The following UBXN7 variants were observed in gnomAD, a reference collection of about 807,000 sequenced individuals.
The protein encoded by UBXN7 is UBX domain-containing protein 7.
UBXN7 carries 9 observed loss-of-function variants against 58.0 expected under a neutral mutation model. The observed-to-expected ratio is 0.16, with a 90% confidence interval of 0.09 to 0.27. UBXN7 has a LOEUF of 0.27. Ranked by LOEUF, UBXN7 falls within the 10% of genes least tolerant of loss-of-function variation. The pLI, the probability that UBXN7 is intolerant of heterozygous loss-of-function variation, is 1.00. For missense variants in UBXN7, 328 were observed against 599.6 expected (o/e 0.55, Z 4.73); for synonymous variants, 208 against 205.0 (o/e 1.01, Z -0.12).
intron 8 of UBXN7, 84 bp from the exon 9 acceptor site, chr3:196,362,771 T>C: frequency 6.8e-7 from 1 of 1,478,304 alleles, no homozygotes; most frequent in Non-Finnish European, 9.0e-7. Flanking sequence ...TATAATAGCT[T>C]GCCATTCATT....
intron 1 of UBXN7, chr3:196,431,806 G>A: frequency 2.4e-6 from 1 of 423,294 alleles, no homozygotes; most frequent in Non-Finnish European, 4.8e-6. Context: ...GAAGGCGGGA[G>A]GGCCCGAACC....
intron 3 of UBXN7, among the ~76,000 whole-genome samples, chr3:196,395,532 C>T (rs527260295): frequency 3.9e-5 from 6 of 151,942 alleles, no homozygotes; most frequent in Non-Finnish European, 7.4e-5. Context: ...CAGACTCCAT[C>T]CTCCTAGGCT....
chr3:196,414,227 C>T (rs991877324), intron 1 of UBXN7, among the ~76,000 whole-genome samples: 17 of 152,108 alleles, frequency 1.1e-4, no homozygotes, highest in African/African-American at 3.1e-4. Flanking sequence ...TCAGGTGATC[C>T]GCCTGCCTTG....
chr3:196,370,685 C>T (rs1202604479), intron 6 of UBXN7, among the ~76,000 whole-genome samples: 33 of 151,318 alleles, frequency 2.2e-4, no homozygotes, highest in Admixed American at 2.1e-3. Flanking sequence ...AATTAAGCTC[C>T]TTCATAAGTT....
At chr3:196,385,728 G>T (rs968450229) in intron 5 of UBXN7, among the ~76,000 whole-genome samples, 12 of 151,258 alleles carry the variant, frequency 7.9e-5, no homozygotes, top group Non-Finnish European at 4.4e-5. Flanking sequence ...CCCTACGCCC[G>T]GCAGCCGCCC....
chr3:196,428,741 A>T (rs1024080487), intron 1 of UBXN7, among the ~76,000 whole-genome samples: 2 of 151,856 alleles, frequency 1.3e-5, no homozygotes, highest in African/African-American at 2.4e-5. Flanking sequence ...AAAAATAAAG[A>T]AAGTTACCCT....
rs1729646251 is a variant in UBXN7 at position 196,393,475 on chromosome 3, T to C, written c.355+79A>G. On this transcript the variant is annotated intron_variant, in intron 4 of 10. Coordinates refer to ENST00000296328, the MANE Select transcript of UBXN7 (RefSeq NM_015562.2). ...AAAGAAGGTGAAAACTTAAAAGTAA[T>C]TGGGCCTAATAGTAATCATCTTTGT... The C allele has an allele frequency of 3.0e-6, 4 of 1,332,314 alleles. No homozygotes were observed. In the East Asian group the frequency reaches 9.5e-5, roughly 32 times the overall value. 82.5% of individuals were successfully genotyped at this position (1,332,314 alleles called of 1,614,324 possible).
Position 196,392,240 on chromosome 3 carries a change from G to A in UBXN7, c.356-315C>T, listed in dbSNP as rs78256600. ...GGAGAGGCTGAGTGCGGTGGCTCAT[G>A]TCTATAATTCTAGAACTTTGGATGG... On this transcript the variant is annotated intron_variant, in intron 4 of 10. Coordinates refer to ENST00000296328, the MANE Select transcript of UBXN7 (RefSeq NM_015562.2). 8.0e-3 allele frequency among the ~76,000 whole-genome samples: 1,219 copies of A among 152,144 alleles called. 12 individuals are homozygous for A. The highest frequency in any genetic ancestry group is 0.027 in the African/African-American group (1,102 of 41,498).
intron 8 of UBXN7, 59 bp from the exon 9 acceptor site, chr3:196,362,746 A>G: frequency 6.5e-7 from 1 of 1,528,968 alleles, no homozygotes; most frequent in Non-Finnish European, 8.8e-7. Flanking sequence ...AAAACAAGTC[A>G]AACGGCATAA....
intron 5 of UBXN7, among the ~76,000 whole-genome samples, chr3:196,384,009 G>C (rs565746672): frequency 6.6e-5 from 10 of 152,170 alleles, no homozygotes; most frequent in African/African-American, 2.4e-4. Flanking sequence ...ATGAATCCAA[G>C]AGCTGGTTTT....
intron 3 of UBXN7, among the ~76,000 whole-genome samples, chr3:196,401,837 G>C (rs1469535402): frequency 6.8e-6 from 1 of 146,500 alleles, no homozygotes; most frequent in Non-Finnish European, 1.5e-5. Flanking sequence ...GAAGAGAAGA[G>C]AAGAGAAGAG....
At position 196,369,560 on chromosome 3, in the gene UBXN7, C is replaced by T. The variant is rs1350125269; in HGVS notation, c.616-49G>A. 8.8e-6 allele frequency: 12 copies of T among 1,362,454 alleles called. No homozygotes were observed. The Admixed American group carries it at 1.5e-4, about 17-fold the overall frequency. 84.4% of individuals were successfully genotyped at this position (1,362,454 alleles called of 1,614,324 possible). A position where few individuals can be genotyped will look rare whatever the true frequency, so the allele number is the denominator to read the frequency against. On this transcript the variant is annotated intron_variant, in intron 6 of 10. Coordinates refer to ENST00000296328, the MANE Select transcript of UBXN7 (RefSeq NM_015562.2). ...AAAAAGTCAGCCTCTAAGAAAAGAA[C>T]CAACTATAACCTTCTTATACACCAA...
intron 6 of UBXN7, 50 bp from the exon 7 acceptor site, chr3:196,369,561 C>A: frequency 2.2e-6 from 3 of 1,359,878 alleles, no homozygotes; most frequent in Non-Finnish European, 3.1e-6. Flanking sequence ...AGAAAAGAAC[C>A]AACTATAACC....
intron 6 of UBXN7, among the ~76,000 whole-genome samples, chr3:196,370,689 A>C (rs1340780578): frequency 3.3e-5 from 5 of 151,864 alleles, no homozygotes; most frequent in South Asian, 2.1e-4. Context: ...AAGCTCCTTC[A>C]TAAGTTTTTA....
intron 10 of UBXN7, among the ~76,000 whole-genome samples, chr3:196,357,800 T>A (rs1320922859): frequency 6.6e-6 from 1 of 152,104 alleles, no homozygotes; most frequent in Admixed American, 6.5e-5. Context: ...GAGGTTGCAG[T>A]GAGCCAAGAT....
intron 5 of UBXN7, among the ~76,000 whole-genome samples, chr3:196,373,573 A>T (rs1450016374): frequency 1.3e-5 from 2 of 152,234 alleles, no homozygotes. Flanking sequence ...ATTTGGTGTA[A>T]TAACAATCCA....
intron 3 of UBXN7, among the ~76,000 whole-genome samples, chr3:196,399,494 T>C (rs1480452424): frequency 6.6e-6 from 1 of 152,124 alleles, no homozygotes; most frequent in Non-Finnish European, 1.5e-5. Flanking sequence ...TGCAGTGCAG[T>C]GGCATGATCA....
rs552403825 is a variant in UBXN7, at chr3:196,389,668, C to T, written c.468+2145G>A. Reference sequence around the variant, plus strand: ...TGCCATGACTGCAAGCTTCCTGAGGCCTCACCAGAAGCAGATGTCAGCACA... The same window carrying T: ...TGCCATGACTGCAAGCTTCCTGAGGTCTCACCAGAAGCAGATGTCAGCACA... On this transcript the variant is annotated intron_variant, in intron 5 of 10. Transcript: ENST00000296328. Among the ~76,000 whole-genome samples the T allele has an allele frequency of 7.2e-5, 11 of 152,298 alleles. No homozygotes were observed. In the East Asian group the frequency reaches 2.1e-3, roughly 29 times the overall value.
At chr3:196,410,209 G>A (rs952139393) in intron 1 of UBXN7, among the ~76,000 whole-genome samples, 1 of 151,954 alleles carries the variant, frequency 6.6e-6, no homozygotes, top group East Asian at 1.9e-4. Context: ...CAAAGTGCAG[G>A]GATTACAGGA....
Sources: allele counts gnomAD v4.1 joint callset (sites outside exome capture counted in the v4.1 genomes callset), GRCh38; gene constraint gnomAD v4.1.1; transcripts MANE v1.5; gene names NCBI Gene and HGNC (gene_info 2026-07-23, HGNC 2026-07-21).